Variants in AHNAK observed in about 807,000 individuals in gnomAD.
The protein encoded by AHNAK is neuroblast differentiation-associated protein AHNAK.
In AHNAK, 23 loss-of-function variants were observed where a neutral mutation model predicts 37.8. The observed-to-expected ratio is 0.61, with a 90% CI of 0.44 to 0.86. The LOEUF (loss-of-function observed/expected upper bound fraction) is 0.86, where lower values mean the gene tolerates loss of function less well. AHNAK is among the 40% of genes least tolerant of loss of function. AHNAK has a pLI of 0.00. For synonymous variants in AHNAK, 2,481 were observed against 2,636.3 expected (o/e 0.94, Z 1.80); for missense variants, 7,411 against 7,319.4 (o/e 1.01, Z -0.46).
At chr11:62,507,608 T>A (rs1382668827) in intron 4 of AHNAK, among the ~76,000 whole-genome samples, 1 of 151,998 alleles carries the variant, frequency 6.6e-6, no homozygotes, top group Non-Finnish European at 1.5e-5. Flanking sequence ...CTGACCAACA[T>A]GGCAAAACCC....
At chr11:62,496,847 A>G (rs553697861) in intron 4 of AHNAK, among the ~76,000 whole-genome samples, 82 of 148,568 alleles carry the variant, frequency 5.5e-4, no homozygotes, top group Non-Finnish European at 9.0e-4. Context: ...AGGAAGGAAG[A>G]AAGGAAGGAA....
chr11:62,442,962 G>A (rs899744427), intron 5 of AHNAK, among the ~76,000 whole-genome samples: 3 of 151,890 alleles, frequency 2.0e-5, no homozygotes, highest in South Asian at 4.2e-4. Flanking sequence ...GACCTGGCTC[G>A]AGTCTTGCAC....
At chr11:62,464,131 G>A (rs1160703796) in intron 5 of AHNAK, among the ~76,000 whole-genome samples, 1 of 151,218 alleles carries the variant, frequency 6.6e-6, no homozygotes, top group East Asian at 2.0e-4. Context: ...TGGCCCAAGT[G>A]ATCCTCTCTC....
Position 62,535,097 on chromosome 11 carries a change from C to A in AHNAK, c.248G>T (p.Gly83Val), listed in dbSNP as rs1204427386. Residue 83 changes from glycine (G) to valine (V), a missense_variant, in exon 4 of 5, where the codon GGC (glycine) becomes GTC (valine). Transcript: ENST00000378024. ...LLNTMGHHTV[G>V]LKLHRKGDRS... ...GTCCCCCTTGCGGTGCAGCTTCAGG[C>A]CCACCGTGTGGTGCCCCATGGTGTT... is the stretch of plus-strand genomic sequence containing the variant. 1 of 1,613,996 alleles carries A rather than the reference C, an allele frequency of 6.2e-7. No homozygotes were observed. Among genetic ancestry groups the A allele is most frequent in the Admixed American group, 1.7e-5 (1 of 60,024 alleles).
intron 5 of AHNAK, among the ~76,000 whole-genome samples, chr11:62,468,218 C>T (rs542693852): frequency 4.6e-5 from 7 of 152,006 alleles, no homozygotes; most frequent in Non-Finnish European, 8.8e-5. Context: ...TGTGATGGCA[C>T]GCGCCTGTAG....
chr11:62,438,030 G>A (rs1938215834), intron 5 of AHNAK, among the ~76,000 whole-genome samples: 2 of 152,076 alleles, frequency 1.3e-5, no homozygotes, highest in South Asian at 2.1e-4. Context: ...CCAAATAACT[G>A]GGACTACAGG....
intron 5 of AHNAK, among the ~76,000 whole-genome samples, chr11:62,443,365 A>G (rs1938353631): frequency 7.0e-6 from 1 of 142,536 alleles, no homozygotes; most frequent in African/African-American, 2.6e-5. Flanking sequence ...CTCCGCCTCC[A>G]GGGTTCAAGC....
intron 1 of AHNAK, chr11:62,537,509 G>A (rs1940987528): frequency 6.6e-6 from 1 of 152,084 alleles, no homozygotes; most frequent in Non-Finnish European, 1.5e-5. Flanking sequence ...CAAAGTGCTG[G>A]GACTATAAGC....
chr11:62,509,694 G>A (rs1323375770), intron 4 of AHNAK, among the ~76,000 whole-genome samples: 1 of 152,096 alleles, frequency 6.6e-6, no homozygotes, highest in East Asian at 1.9e-4. Flanking sequence ...AGGCAGGCAG[G>A]TCCCTTGAGG....
Position 62,518,501 on chromosome 11 carries a change from A to G in AHNAK, c.15916T>C (p.Leu5306=). The change falls in exon 5 of 5, where the codon TTG becomes CTG. Residue 5306 remains leucine (L), a synonymous_variant. Transcript: ENST00000378024. ...KVSGPDLDLN[L]KGPSLKGDLD... ...TCTCCCTTCAAACTTGGTCCTTTCA[A>G]GTTCAGATCAAGGTCAGGCCCAGAG... 1 of 1,613,984 alleles carries G rather than the reference A, an allele frequency of 6.2e-7. No homozygotes were observed. The highest frequency in any genetic ancestry group is 8.5e-7 in the Non-Finnish European group (1 of 1,180,014).
chr11:62,490,716 T>C (rs1939491248), intron 5 of AHNAK, among the ~76,000 whole-genome samples: 1 of 152,134 alleles, frequency 6.6e-6, no homozygotes, highest in Non-Finnish European at 1.5e-5. Context: ...GACATTGCCA[T>C]GTGGGAATGT....
intron 5 of AHNAK, among the ~76,000 whole-genome samples, chr11:62,476,372 G>A (rs555470828): frequency 4.9e-4 from 74 of 152,312 alleles, no homozygotes; most frequent in African/African-American, 1.4e-3. Context: ...CTGCCTGGGC[G>A]ACAGAGCAAG....
chr11:62,461,594 A>G (rs34552638), intron 5 of AHNAK, among the ~76,000 whole-genome samples: 42,165 of 152,136 alleles, frequency 0.28, 7,386 homozygotes, highest in Non-Finnish European at 0.39. Context: ...TAAATTCTCC[A>G]TAATTGAGAA....
intron 5 of AHNAK, among the ~76,000 whole-genome samples, chr11:62,439,760 CG>C (rs1938264980): frequency 6.6e-6 from 1 of 150,516 alleles, no homozygotes; most frequent in African/African-American, 2.5e-5. Context: ...CTCCGCCTCC[CG>C]GGTTCAAGTG....
chr11:62,481,491 C>T (rs1199537353), intron 5 of AHNAK, among the ~76,000 whole-genome samples: 1 of 152,128 alleles, frequency 6.6e-6, no homozygotes, highest in African/African-American at 2.4e-5. Flanking sequence ...ACCTCCCACC[C>T]TCAAACCTAC....
rs754454338 is a variant in AHNAK at position 62,523,560 on chromosome 11, G to T, written c.10857C>A (p.Gly3619=). Residue 3619 remains glycine (G), a synonymous_variant, in exon 5 of 5, where the codon GGC becomes GGA. Coordinates refer to ENST00000378024, the MANE Select transcript of AHNAK (RefSeq NM_001620.3). Reference sequence around the variant, plus strand: ...TAGGGAGGGTAACATCGACTTCAGGGCCTTCTCCTTTGAAGCCAGGCATGC... The same window carrying T: ...TAGGGAGGGTAACATCGACTTCAGGTCCTTCTCCTTTGAAGCCAGGCATGC... ...KFSMPGFKGE[G]PEVDVTLPKA... The T allele has an allele frequency of 6.2e-7, 1 of 1,613,964 alleles. No individual in the cohort carries two copies.
chr11:62,434,594 G>C (rs868666920), intron 5 of AHNAK, among the ~76,000 whole-genome samples: 1 of 152,046 alleles, frequency 6.6e-6, no homozygotes, highest in African/African-American at 2.4e-5. Context: ...CACCTCCTGC[G>C]CTCAAGAAAG....
intron 5 of AHNAK, among the ~76,000 whole-genome samples, chr11:62,461,199 G>A (rs1278461013): frequency 1.8e-5 from 2 of 113,810 alleles, no homozygotes; most frequent in Non-Finnish European, 3.4e-5. Context: ...AAGCTGGAAT[G>A]CAATGGCACC....
rs138004081 is a variant in AHNAK, at chr11:62,528,008, C to A, written c.6409G>T (p.Val2137Leu). 1.1e-5 allele frequency: 18 copies of A among 1,613,944 alleles called. No homozygotes were observed. The African/African-American group carries it at 2.4e-4, about 22-fold the overall frequency. The change falls in exon 5 of 5, where the codon GTG (valine) becomes TTG (leucine). Residue 2137 changes from valine (V) to leucine (L), a missense_variant. By Grantham distance (32) the Val-to-Leu change is conservative. Coordinates refer to ENST00000378024, the MANE Select transcript of AHNAK (RefSeq NM_001620.3). Reference sequence around the variant, plus strand: ...TCTCCCTCCAATTTTGGCAAAGACACATCCACATCCCCTTTGACTTTGGGG... The same window carrying A: ...TCTCCCTCCAATTTTGGCAAAGACAAATCCACATCCCCTTTGACTTTGGGG... ...KGPKVKGDVD[V>L]SLPKLEGDLT... is the part of the protein sequence containing the mutation.
Sources: allele counts gnomAD v4.1 joint callset (sites outside exome capture counted in the v4.1 genomes callset), GRCh38; gene constraint gnomAD v4.1.1; transcripts MANE v1.5; gene names NCBI Gene and HGNC (gene_info 2026-07-23, HGNC 2026-07-21).